RAP1GAP2: variants seen among roughly 807,000 people sequenced by gnomAD.
RAP1GAP2 encodes the protein RAP1 GTPase activating protein 2.
RAP1GAP2 carries 27 observed loss-of-function variants against 95.0 expected under a neutral mutation model. That is an observed-to-expected ratio of 0.28 (90% CI 0.21 to 0.39). The LOEUF (loss-of-function observed/expected upper bound fraction) is 0.39, where lower values mean the gene tolerates loss of function less well. Among genes scored for constraint, RAP1GAP2 ranks in the 10% least tolerant of loss-of-function variants. The pLI, the probability that RAP1GAP2 is intolerant of heterozygous loss-of-function variation, is 1.00. For synonymous variants in RAP1GAP2, 373 were observed against 380.9 expected (o/e 0.98, Z 0.24); for missense variants, 771 against 970.0 (o/e 0.79, Z 2.72).
chr17:2,989,744 C>A (rs1302487223), intron 11 of RAP1GAP2, among the ~76,000 whole-genome samples: 1 of 151,850 alleles, frequency 6.6e-6, no homozygotes, highest in African/African-American at 2.4e-5. Context: ...ATTCTTGTAC[C>A]ATATAATTCA....
intron 1 of RAP1GAP2, among the ~76,000 whole-genome samples, chr17:2,768,331 A>G (rs2068315914): frequency 6.6e-6 from 1 of 152,208 alleles, no homozygotes; most frequent in African/African-American, 2.4e-5. Flanking sequence ...TGATTATTGT[A>G]TGGTTTCTCT....
chr17:2,991,898 G>T (rs1394932577), intron 12 of RAP1GAP2, among the ~76,000 whole-genome samples: 3 of 152,042 alleles, frequency 2.0e-5, no homozygotes, highest in African/African-American at 7.3e-5. Context: ...CGGAGTAGCT[G>T]GGACTACAGG....
At chr17:2,959,578 G>A (rs1054413065) in intron 4 of RAP1GAP2, among the ~76,000 whole-genome samples, 6 of 152,178 alleles carry the variant, frequency 3.9e-5, no homozygotes, top group African/African-American at 9.6e-5. Context: ...CATCTTGCAC[G>A]TGTGGAAACT....
chr17:2,806,397 A>ATTATTATTATTATTATTG (rs1555545390), intron 2 of RAP1GAP2, among the ~76,000 whole-genome samples: 70 of 148,274 alleles, frequency 4.7e-4, no homozygotes, highest in African/African-American at 1.6e-3. Context: ...TATTATTATT[A>ATTATTATTATTATTATTG]TTATTATTAT....
At chr17:2,987,386 G>T (rs1309089609) in intron 11 of RAP1GAP2, among the ~76,000 whole-genome samples, 8 of 151,388 alleles carry the variant, frequency 5.3e-5, no homozygotes, top group Non-Finnish European at 8.8e-5. Context: ...TTTTTGAGAC[G>T]GAGTTTTGCT....
Position 3,027,622 on chromosome 17 carries a change from C to T in RAP1GAP2, c.2107+552C>T, listed in dbSNP as rs573000970. 2.6e-5 allele frequency among the ~76,000 whole-genome samples: 4 copies of T among 152,188 alleles called. No individual in the cohort carries two copies. In the South Asian group the frequency reaches 6.2e-4, roughly 24 times the overall value. On this transcript the variant is annotated intron_variant, in intron 22 of 24. Transcript: ENST00000254695. The surrounding 1 kb of genome is among the most constrained non-coding windows in gnomAD (Gnocchi z 5.2). ...GAGCGTTGACAGGCTGGGTCAGCCC[C>T]GGGCCCCGGGTGAGGATTTTGTTCT... is the stretch of plus-strand genomic sequence containing the variant.
intron 3 of RAP1GAP2, among the ~76,000 whole-genome samples, chr17:2,943,604 G>A (rs1254539319): frequency 1.3e-5 from 2 of 152,026 alleles, no homozygotes; most frequent in African/African-American, 2.4e-5. Flanking sequence ...GGTGGATGAG[G>A]CAGTGAGCTG....
chr17:2,777,106 G>T (rs1022504552), exon 1 of RAP1GAP2: 4 of 152,468 alleles, frequency 2.6e-5, no homozygotes, highest in Non-Finnish European at 4.4e-5. Flanking sequence ...CTGCGTTCCG[G>T]AGGAGCCATC....
intron 1 of RAP1GAP2, among the ~76,000 whole-genome samples, chr17:2,789,823 A>G (rs569322614): frequency 2.6e-5 from 4 of 151,118 alleles, no homozygotes; most frequent in African/African-American, 7.3e-5. Flanking sequence ...AAATTGTGCA[A>G]TTGTGGTATA....
intron 3 of RAP1GAP2, among the ~76,000 whole-genome samples, chr17:2,925,674 G>A (rs886298491): frequency 6.6e-6 from 1 of 152,140 alleles, no homozygotes; most frequent in African/African-American, 2.4e-5. Context: ...TTGATTCTGG[G>A]GCTTGGAAGG....
intron 17 of RAP1GAP2, among the ~76,000 whole-genome samples, chr17:3,014,836 C>A (rs925264532): frequency 6.6e-6 from 1 of 152,104 alleles, no homozygotes; most frequent in Non-Finnish European, 1.5e-5. Flanking sequence ...GGATTACAGG[C>A]GTGAGCCATC....
intron 1 of RAP1GAP2, among the ~76,000 whole-genome samples, chr17:2,760,223 G>A (rs1293971525): frequency 3.5e-5 from 5 of 144,782 alleles, no homozygotes; most frequent in Admixed American, 2.1e-4. Flanking sequence ...AACCTGGGAG[G>A]CGGAGCTTGC....
chr17:2,878,531 G>T (rs1274626266), intron 2 of RAP1GAP2, among the ~76,000 whole-genome samples: 1 of 152,090 alleles, frequency 6.6e-6, no homozygotes, highest in Non-Finnish European at 1.5e-5. Context: ...TTGGTTAGGT[G>T]GTCTAACCAC....
intron 17 of RAP1GAP2, among the ~76,000 whole-genome samples, chr17:3,011,316 A>G (rs76046238): frequency 0.022 from 3,401 of 152,242 alleles, 119 homozygotes; most frequent in African/African-American, 0.067. Flanking sequence ...TCTCCCAAGC[A>G]TGGAGGCCTG....
At chr17:2,815,253 C>T (rs973194790) in intron 2 of RAP1GAP2, among the ~76,000 whole-genome samples, 23 of 152,196 alleles carry the variant, frequency 1.5e-4, no homozygotes, top group African/African-American at 5.5e-4. Flanking sequence ...AGTGCGGCTC[C>T]AGCAGTCAGG....
intron 2 of RAP1GAP2, among the ~76,000 whole-genome samples, chr17:2,887,988 A>G (rs997557317): frequency 7.2e-5 from 11 of 152,092 alleles, no homozygotes; most frequent in African/African-American, 1.2e-4. Flanking sequence ...TATTATCTCT[A>G]CTATCTGTGT....
At chr17:2,976,599 A>G (rs1467550293) in intron 8 of RAP1GAP2, among the ~76,000 whole-genome samples, 4 of 152,190 alleles carry the variant, frequency 2.6e-5, no homozygotes, top group African/African-American at 4.8e-5. Flanking sequence ...ACTTTAAAAA[A>G]AGATTAAATG....
At position 2,963,266 on chromosome 17, in the gene RAP1GAP2, G is replaced by T. The variant is rs960942685; in HGVS notation, c.247-164G>T. The stretch of plus-strand genomic sequence containing the variant: ...GTTCTGTCAGTTTGGAGAAGAACAT[G>T]GGGGATGTTAGATTCCAGAGCTGAT... On this transcript the variant is annotated intron_variant, in intron 5 of 24. Coordinates refer to ENST00000254695, the MANE Select transcript of RAP1GAP2 (RefSeq NM_015085.5). This position sits in a 1 kb window ranked among gnomAD's most constrained non-coding sequence, Gnocchi z 4.8. The T allele has an allele frequency of 5.1e-6, 4 of 789,638 alleles. No individual in the cohort carries two copies. Among genetic ancestry groups the T allele is most frequent in the African/African-American group, 1.7e-5 (1 of 58,936 alleles). 48.9% of individuals were successfully genotyped at this position (789,638 alleles called of 1,614,324 possible).
At chr17:2,926,271 G>A (rs2042953523) in intron 3 of RAP1GAP2, among the ~76,000 whole-genome samples, 1 of 152,176 alleles carries the variant, frequency 6.6e-6, no homozygotes, top group Admixed American at 6.6e-5. Context: ...GGCGTGGACA[G>A]CCCCACCTCC....
Sources: gnomAD v4.1 joint callset for allele counts (sites outside exome capture counted in the v4.1 genomes callset) on GRCh38, gnomAD v4.1.1 for gene constraint, Gnocchi (gnomAD v3.1) non-coding constraint, MANE v1.5 for transcripts, NCBI Gene and HGNC (gene_info 2026-07-23, HGNC 2026-07-21) for gene names.